Variants in SLC52A1 observed in about 807,000 individuals in gnomAD.
SLC52A1 encodes the protein solute carrier family 52 member 1.
SLC52A1 carries 20 observed loss-of-function variants against 23.2 expected under a neutral mutation model. The ratio of observed to expected loss-of-function variants is 0.86; its 90% CI spans 0.61 to 1.25. The LOEUF is 1.25. SLC52A1 is among the 50% of genes most tolerant of loss of function. The pLI is 0.00. For synonymous variants in SLC52A1, 260 were observed against 256.6 expected, an observed-to-expected ratio of 1.01 and a Z score of -0.13; for missense variants, 528 against 557.0, an observed-to-expected ratio of 0.95 and a Z score of 0.52.
rs1304617151 is a variant in SLC52A1, at chr17:5,034,540, A to G, written c.67T>C (p.Ser23Pro). ...CAGATCCCGTTCACAGCAGCCCAGG[A>G]GCCCATGCCAAAAAGGGCCACCAGC... The part of the protein sequence containing the change: ...HLLVALFGMG[S>P]WAAVNGIWVE... The change falls in exon 2 of 5, where the codon TCC (serine) becomes CCC (proline). Residue 23 changes from serine (S) to proline (P), a missense_variant. By Grantham distance (74) the Ser-to-Pro change is moderately conservative. Coordinates refer to ENST00000254853, the MANE Select transcript of SLC52A1 (RefSeq NM_017986.4). 1 of 1,614,166 alleles carries G rather than the reference A, an allele frequency of 6.2e-7. No individual in the cohort carries two copies. Among genetic ancestry groups the G allele is most frequent in the South Asian group, 1.1e-5 (1 of 91,082 alleles).
chr17:5,037,235 G>A (rs534809007), upstream of SLC52A1, among the ~76,000 whole-genome samples: 1 of 152,178 alleles, frequency 6.6e-6, no homozygotes, highest in Non-Finnish European at 1.5e-5. Context: ...TTAAATTTCG[G>A]TAGGCCAGGC....
Position 5,034,220 on chromosome 17 carries a change from A to G in SLC52A1, c.269T>C (p.Val90Ala). The change falls in exon 3 of 5, where the codon GTG (valine) becomes GCG (alanine). Residue 90 changes from valine to alanine, a missense_variant. Val to Ala is a moderately conservative substitution (Grantham distance 64). Coordinates refer to ENST00000254853, the MANE Select transcript of SLC52A1 (RefSeq NM_017986.4). ...CAGAGGGGCCAGCAGGGCTGTGCCC[A>G]CTACACTCAGCACCTGTACCACCTG... ...PIQVVQVLSV[V>A]GTALLAPLWH... 1 of 1,614,014 alleles carries G rather than the reference A, an allele frequency of 6.2e-7. No individual in the cohort carries two copies. The highest frequency in any genetic ancestry group is 8.5e-7 in the Non-Finnish European group (1 of 1,179,932).
chr17:5,037,364 C>A (rs1487384498), upstream of SLC52A1, among the ~76,000 whole-genome samples: 1 of 151,932 alleles, frequency 6.6e-6, no homozygotes, highest in South Asian at 2.1e-4. Flanking sequence ...ACTAAAAATA[C>A]ACAAATTAGC....
chr17:5,035,999 C>A (rs541097395), upstream of SLC52A1, among the ~76,000 whole-genome samples: 1 of 145,752 alleles, frequency 6.9e-6, no homozygotes, highest in East Asian at 2.0e-4. Flanking sequence ...GGACTACAGA[C>A]GCACCACACC....
chr17:5,040,897 G>A (rs986267049), intron 1 of SLC52A1, among the ~76,000 whole-genome samples: 4 of 151,254 alleles, frequency 2.6e-5, no homozygotes, highest in Non-Finnish European at 4.4e-5. Flanking sequence ...CTGGGTTCAC[G>A]CCATTCTTCT....
chr17:5,036,403 C>CTTTTTTT (rs34031349), upstream of SLC52A1, among the ~76,000 whole-genome samples: 2 of 59,208 alleles, frequency 3.4e-5, no homozygotes, highest in East Asian at 5.9e-4. Flanking sequence ...CTAATTTTTG[C>CTTTTTTT]TTTTTTTTTT....
rs769072537 is a variant in SLC52A1 at position 5,034,218 on chromosome 17, C to T, written c.271G>A (p.Gly91Ser). Reference protein sequence around the residue: ...IQVVQVLSVVGTALLAPLWHH... With the variant: ...IQVVQVLSVVSTALLAPLWHH... The stretch of plus-strand genomic sequence containing the variant: ...CACAGAGGGGCCAGCAGGGCTGTGC[C>T]CACTACACTCAGCACCTGTACCACC... Residue 91 changes from glycine (G) to serine (S), a missense_variant, in exon 3 of 5, where the codon GGC becomes AGC. Coordinates refer to ENST00000254853, the MANE Select transcript of SLC52A1 (RefSeq NM_017986.4). 84 of 1,613,914 alleles carry T rather than the reference C, an allele frequency of 5.2e-5. No individual in the cohort carries two copies. The South Asian group carries it at 8.6e-4, about 16-fold the overall frequency.
chr17:5,037,912 T>G (rs1975492343), upstream of SLC52A1, among the ~76,000 whole-genome samples: 1 of 49,054 alleles, frequency 2.0e-5, no homozygotes, highest in Admixed American at 1.7e-4. Context: ...CTTTCTTCCT[T>G]CCTTTTTTTT....
rs1275124380 is a variant in SLC52A1, at chr17:5,034,328, A to G, written c.161T>C (p.Val54Ala). ...CAGACCCAGGTTTCCCAGCGCCACA[A>G]CCACAGAGAGGTATGAGGGGAGGCT... ...GWSLPSYLSV[V>A]VALGNLGLLV... Residue 54 changes from valine (V) to alanine (A), a missense_variant, in exon 3 of 5, where the codon GTT (valine) becomes GCT (alanine). Coordinates refer to ENST00000254853, the MANE Select transcript of SLC52A1 (RefSeq NM_017986.4). 4 of 1,586,966 alleles carry G rather than the reference A, an allele frequency of 2.5e-6. No individual in the cohort carries two copies. The highest frequency in any genetic ancestry group is 3.4e-6 in the Non-Finnish European group (4 of 1,166,840).
chr17:5,041,270 A>G (rs986345461), intron 1 of SLC52A1, among the ~76,000 whole-genome samples: 162 of 151,646 alleles, frequency 1.1e-3, no homozygotes, highest in African/African-American at 3.9e-3. Context: ...TTTTACTTTT[A>G]TTTTTACTTA....
At position 5,032,927 on chromosome 17, in the gene SLC52A1, G is replaced by A; in HGVS notation, c.*30C>T. On this transcript the variant is annotated 3_prime_UTR_variant, in exon 5 of 5. Transcript: ENST00000254853. ...GGCAGCCTCACGATGAAGACAGGTG[G>A]GGTGGAGTTGGGTCCCCACCTGCCC... The A allele has an allele frequency of 5.7e-6, 9 of 1,586,352 alleles. No individual in the cohort carries two copies. The highest frequency in any genetic ancestry group is 7.8e-6 in the Non-Finnish European group (9 of 1,156,810).
In SLC52A1 at chr17:5,033,172, G is replaced by A; in HGVS notation, c.1135-3C>T. ...AGACACAGCACCCACGACAGCACCT[G>A]CAAGGGAGGACACAGCAGCAGGCTG... On this transcript the variant is annotated splice_region_variant and splice_polypyrimidine_tract_variant and intron_variant, in intron 4 of 4. Coordinates refer to ENST00000254853, the MANE Select transcript of SLC52A1 (RefSeq NM_017986.4). 1 of 1,613,822 alleles carries A rather than the reference G, an allele frequency of 6.2e-7. No individual in the cohort carries two copies. Among genetic ancestry groups the A allele is most frequent in the Non-Finnish European group, 8.5e-7 (1 of 1,179,928 alleles).
In SLC52A1 at chr17:5,032,897, A is replaced by T; in HGVS notation, c.*60T>A. On this transcript the variant is annotated 3_prime_UTR_variant, in exon 5 of 5. Transcript: ENST00000254853. Reference sequence around the variant, plus strand: ...CTGCCTGGGCCACAAGTAGTCAGGCACTGTGGCAGCCTCACGATGAAGACA... The same window carrying T: ...CTGCCTGGGCCACAAGTAGTCAGGCTCTGTGGCAGCCTCACGATGAAGACA... 1 of 1,491,784 alleles carries T rather than the reference A, an allele frequency of 6.7e-7. No homozygotes were observed. The highest frequency in any genetic ancestry group is 9.3e-7 in the Non-Finnish European group (1 of 1,078,330). 92.4% of individuals were successfully genotyped at this position (1,491,784 alleles called of 1,614,324 possible). A position where few individuals can be genotyped will look rare whatever the true frequency, so the allele number is the denominator to read the frequency against.
At chr17:5,042,235 G>A (rs1175174516) in intron 1 of SLC52A1, among the ~76,000 whole-genome samples, 1 of 152,178 alleles carries the variant, frequency 6.6e-6, no homozygotes, top group East Asian at 1.9e-4. Flanking sequence ...AGCACTTGAA[G>A]GCCCTTCATT....
upstream of SLC52A1, among the ~76,000 whole-genome samples, chr17:5,039,596 C>T (rs906040529): frequency 2.6e-5 from 4 of 152,042 alleles, no homozygotes; most frequent in Admixed American, 6.6e-5. Flanking sequence ...CTCAGCCTCC[C>T]GAGTAGCTGG....
chr17:5,032,854 TC>T lies in SLC52A1; in HGVS notation c.*102del. 3.8e-6 allele frequency: 4 copies of T among 1,064,434 alleles called. No homozygotes were observed. The highest frequency in any genetic ancestry group is 4.2e-6 in the Non-Finnish European group (3 of 722,494). The allele number at this position is 1,064,434 out of a possible 1,614,324, so 65.9% of individuals were successfully genotyped here. ...GGAGTGTGCAGGTGTCCATGAGCGTTCCTGTGTTGGGGGAAGCCTGCCTGGG... is the reference window on the plus strand; with the variant it reads ...GGAGTGTGCAGGTGTCCATGAGCGTTCTGTGTTGGGGGAAGCCTGCCTGGG... On this transcript the variant is annotated 3_prime_UTR_variant, in exon 5 of 5. Transcript: ENST00000254853.
At position 5,034,590 on chromosome 17, in the gene SLC52A1, A is replaced by G. The variant is rs1567735493; in HGVS notation, c.17T>C (p.Leu6Pro). 6.2e-7 allele frequency: 1 copy of G among 1,614,214 alleles called. No individual in the cohort carries two copies. Among genetic ancestry groups the G allele is most frequent in the Non-Finnish European group, 8.5e-7 (1 of 1,180,042 alleles). The change falls in exon 2 of 5, where the codon CTG becomes CCG. Residue 6 changes from leucine (L) to proline (P), a missense_variant. Leu to Pro is a moderately conservative substitution (Grantham distance 98). Coordinates refer to ENST00000254853, the MANE Select transcript of SLC52A1 (RefSeq NM_017986.4). ...CAGGTGGGTCAGCACCAGACGGCCC[A>G]GCGTGGGTGCTGCCATTCAGCCCAA... MAAPT[L>P]GRLVLTHLLV...
At chr17:5,041,028 C>T (rs986785960) in intron 1 of SLC52A1, among the ~76,000 whole-genome samples, 2 of 151,978 alleles carry the variant, frequency 1.3e-5, no homozygotes, top group Non-Finnish European at 2.9e-5. Flanking sequence ...ATCTCCTGAC[C>T]TCGTGATCCA....
Position 5,033,966 on chromosome 17 carries a change from C to G in SLC52A1, c.523G>C (p.Ala175Pro). The change falls in exon 3 of 5, where the codon GCG (alanine) becomes CCG (proline). Residue 175 changes from alanine (A) to proline (P), a missense_variant. By Grantham distance (27) the Ala-to-Pro change is conservative (BLOSUM62 -1). Transcript: ENST00000254853. ...QGVGRLECPPAPTNGTSGPPL... is the reference protein window; with the variant it reads ...QGVGRLECPPPPTNGTSGPPL... ...GGCCCAGAGGTGCCATTGGTGGGCG[C>G]TGGTGGGCACTCGAGGCGGCCCACA... is the stretch of plus-strand genomic sequence containing the variant. The G allele has an allele frequency of 6.2e-7, 1 of 1,614,114 alleles. No homozygotes were observed.
Sources: allele counts gnomAD v4.1 joint callset (sites outside exome capture counted in the v4.1 genomes callset), GRCh38; gene constraint gnomAD v4.1.1; transcripts MANE v1.5; gene names NCBI Gene and HGNC (gene_info 2026-07-23, HGNC 2026-07-21).